Variants in MAPT observed in about 807,000 individuals in gnomAD.
MAPT encodes the protein microtubule-associated protein tau.
A neutral mutation model predicts 67.9 loss-of-function variants in MAPT; 34 were observed. The ratio of observed to expected loss-of-function variants is 0.50; its 90% CI spans 0.38 to 0.67. The LOEUF is 0.67. MAPT is among the 30% of genes least tolerant of loss of function. MAPT has a pLI of 0.00. For missense variants in MAPT, 881 were observed against 1,115.2 expected (o/e 0.79, Z 2.99); for synonymous variants, 456 against 464.5 (o/e 0.98, Z 0.23).
rs573204147 is a variant in MAPT, at chr17:45,922,262, T to A, written c.-18+27576T>A. 9.2e-5 allele frequency among the ~76,000 whole-genome samples: 14 copies of A among 152,266 alleles called. No homozygotes were observed. In the South Asian group the frequency reaches 1.5e-3, roughly 16 times the overall value. ...GCGGCCAGCCATAACTCTGTGACTC[T>A]TGTTACAAAGGCCTTATATTTTGCT... On this transcript the variant is annotated intron_variant, in intron 1 of 12. Coordinates refer to ENST00000262410, the MANE Select transcript of MAPT (RefSeq NM_001377265.1).
At chr17:46,019,299 G>C in intron 12 of MAPT, among the ~76,000 whole-genome samples, 1 of 112,376 alleles carries the variant, frequency 8.9e-6, no homozygotes, top group South Asian at 3.1e-4. Context: ...CCATGATTCA[G>C]TTACCTCCCA....
intron 1 of MAPT, among the ~76,000 whole-genome samples, chr17:45,934,666 A>G (rs996211053): frequency 6.6e-6 from 1 of 152,182 alleles, no homozygotes; most frequent in African/African-American, 2.4e-5. Context: ...CAAAGCCATC[A>G]CTTCTTAAAA....
chr17:45,977,701 C>T (rs1167721421), intron 3 of MAPT: 1 of 152,342 alleles, frequency 6.6e-6, no homozygotes, highest in Non-Finnish European at 1.5e-5. Context: ...CTGCCAGCCT[C>T]CCTCTTACCA....
chr17:45,978,488 G>GC, intron 4 of MAPT, 48 bp downstream of exon 4: 7 of 914,082 alleles, frequency 7.7e-6, no homozygotes, highest in Non-Finnish European at 1.2e-5. Flanking sequence ...TGGGGGGAGG[G>GC]ACATGGGGTG....
At position 45,940,087 on chromosome 17, in the gene MAPT, G is replaced by A. The variant is rs151205669; in HGVS notation, c.-17-22234G>A. ...GAGAGTAGTAAAATCTATTAAAGGG[G>A]ACAAAGACAGCCTATATACTACAAG... On this transcript the variant is annotated intron_variant, in intron 1 of 12. Coordinates refer to ENST00000262410, the MANE Select transcript of MAPT (RefSeq NM_001377265.1). Among the ~76,000 whole-genome samples the A allele has an allele frequency of 3.5e-3, 530 of 152,244 alleles. 2 individuals carry two copies. The highest frequency in any genetic ancestry group is 0.012 in the African/African-American group (518 of 41,524).
chr17:45,962,200 G>A (rs2070505485), intron 1 of MAPT, 121 bp from the exon 2 acceptor site: 2 of 793,942 alleles, frequency 2.5e-6, no homozygotes, highest in East Asian at 2.7e-5. Context: ...CTGTTAGAGA[G>A]GGTAGCAGGG....
At chr17:45,958,577 C>T (rs1328918226) in intron 1 of MAPT, among the ~76,000 whole-genome samples, 3 of 152,018 alleles carry the variant, frequency 2.0e-5, no homozygotes, top group African/African-American at 2.4e-5. Context: ...AAATATTAGC[C>T]GGGTGTGATG....
chr17:45,972,104 C>G, intron 3 of MAPT, 159 bp downstream of exon 3: 1 of 710,346 alleles, frequency 1.4e-6, no homozygotes, highest in Non-Finnish European at 2.5e-6. Context: ...AGCCTTGCGT[C>G]GATGCCTTGC....
intron 1 of MAPT, among the ~76,000 whole-genome samples, chr17:45,954,806 C>T (rs1466264028): frequency 2.6e-5 from 4 of 151,816 alleles, no homozygotes; most frequent in Non-Finnish European, 5.9e-5. Context: ...CGGTGAAACC[C>T]CGTCTCTACT....
chr17:45,955,724 C>T (rs2145188529), intron 1 of MAPT, among the ~76,000 whole-genome samples: 1 of 138,232 alleles, frequency 7.2e-6, no homozygotes, highest in East Asian at 1.9e-4. Context: ...CACAAACACT[C>T]CTTCCTTTTT....
rs201824198 is a variant in MAPT, at chr17:45,999,562, T to C, written c.1998+2898T>C. 3.6e-4 allele frequency: 579 copies of C among 1,612,966 alleles called. 7 individuals are homozygous for C. The East Asian group carries it at 0.012, about 33-fold the overall frequency. On this transcript the variant is annotated intron_variant, in intron 9 of 12. Transcript: ENST00000262410. ...TGGGGCTGAGCAGGGAAGACAACTT[T>C]CCATTGAAGGCCCCTTTCAGGGCCA...
At chr17:45,910,692 A>G (rs1179696572) in intron 1 of MAPT, 1 of 148,440 alleles carries the variant, frequency 6.7e-6, no homozygotes, top group East Asian at 2.0e-4. Flanking sequence ...AAAAACTAAG[A>G]TGTATTTGCA....
At chr17:46,000,687 C>T (rs1298838202) in intron 9 of MAPT, among the ~76,000 whole-genome samples, 1 of 152,196 alleles carries the variant, frequency 6.6e-6, no homozygotes, top group African/African-American at 2.4e-5. Flanking sequence ...TGGGTTCTTA[C>T]TGCTGACACC....
chr17:46,018,639 A>C lies in MAPT; in HGVS notation c.2195A>C (p.Lys732Thr). ...HKPGGGQVEV[K>T]SEKLDFKDRV... The stretch of plus-strand genomic sequence containing the variant: ...CTAGGAGGTGGCCAGGTGGAAGTAA[A>C]ATCTGAGAAGCTTGACTTCAAGGAC... Residue 732 changes from lysine (K) to threonine (T), a missense_variant, in exon 12 of 13, where the codon AAA becomes ACA. Lys to Thr is a moderately conservative substitution (Grantham distance 78). This residue lies in a region of MAPT where 79 missense variants were observed against 150.9 expected (regional missense o/e 0.52). Transcript: ENST00000262410. 1 of 1,614,114 alleles carries C rather than the reference A, an allele frequency of 6.2e-7. No individual in the cohort carries two copies. The highest frequency in any genetic ancestry group is 8.5e-7 in the Non-Finnish European group (1 of 1,179,952).
intron 3 of MAPT, chr17:45,977,941 G>A (rs1364971637): frequency 5.2e-6 from 1 of 191,008 alleles, no homozygotes; most frequent in East Asian, 1.3e-4. Flanking sequence ...GCCGGTGCCT[G>A]GATATGAACC....
chr17:45,940,504 G>T (rs531132319), intron 1 of MAPT, among the ~76,000 whole-genome samples: 6 of 152,188 alleles, frequency 3.9e-5, no homozygotes, highest in Non-Finnish European at 8.8e-5. Flanking sequence ...TGATGTCATC[G>T]TTGTCATGAT....
intron 1 of MAPT, among the ~76,000 whole-genome samples, chr17:45,913,801 A>G (rs896977651): frequency 2.6e-5 from 4 of 152,192 alleles, no homozygotes; most frequent in Admixed American, 1.3e-4. Flanking sequence ...ATGCCAGGCT[A>G]TTGGCACTGG....
At chr17:45,955,752 T>C (rs2069578066) in intron 1 of MAPT, among the ~76,000 whole-genome samples, 1 of 152,080 alleles carries the variant, frequency 6.6e-6, no homozygotes, top group Non-Finnish European at 1.5e-5. Flanking sequence ...CTTTTTCCTT[T>C]TTGAAAGGAG....
Position 45,982,877 on chromosome 17 carries a change from G to A in MAPT, c.298G>A (p.Val100Ile), listed in dbSNP as rs987392075. The A allele has an allele frequency of 1.5e-6, 2 of 1,324,612 alleles. No individual in the cohort carries two copies. The highest frequency in any genetic ancestry group is 1.9e-6 in the Non-Finnish European group (2 of 1,037,994). 82.1% of individuals were successfully genotyped at this position (1,324,612 alleles called of 1,614,324 possible). A position where few individuals can be genotyped will look rare whatever the true frequency, so the allele number is the denominator to read the frequency against. The change falls in exon 5 of 13, where the codon GTT becomes ATT. Residue 100 changes from valine to isoleucine, a missense_variant. Transcript: ENST00000262410. ...CCTCTTCAAACCAGAGGAGTTGAGA[G>A]TTCCGGGCCGGCAGAGGAAGGCGCC... ...AGHVTQEELR[V>I]PGRQRKAPER...
Sources: allele counts gnomAD v4.1 joint callset (sites outside exome capture counted in the v4.1 genomes callset), GRCh38; gene constraint gnomAD v4.1.1; regional missense constraint gnomAD v4.1.1; transcripts MANE v1.5; gene names NCBI Gene and HGNC (gene_info 2026-07-23, HGNC 2026-07-21).